The following ARHGAP6 variants were observed in gnomAD, a reference collection of about 807,000 sequenced individuals.
ARHGAP6 encodes the protein Rho GTPase activating protein 6, also known as rho GTPase-activating protein 6.
A neutral mutation model predicts 55.7 loss-of-function variants in ARHGAP6; 16 were observed. The ratio of observed to expected loss-of-function variants is 0.29; its 90% CI spans 0.19 to 0.44. ARHGAP6 has a LOEUF of 0.44. Ranked by LOEUF, ARHGAP6 falls within the 20% of genes least tolerant of loss-of-function variation. The pLI is 1.00. For missense variants in ARHGAP6, 698 were observed against 808.9 expected, an observed-to-expected ratio of 0.86 and a Z score of 1.66; for synonymous variants, 382 against 360.9, an observed-to-expected ratio of 1.06 and a Z score of -0.66.
chrX:11,361,428 T>G (rs1177509046), intron 1 of ARHGAP6, among the ~76,000 whole-genome samples: 1 of 111,193 alleles, frequency 9.0e-6, no homozygotes, highest in East Asian at 2.8e-4. Flanking sequence ...TAATAAATGG[T>G]GCTGGGAAAA....
intron 1 of ARHGAP6, among the ~76,000 whole-genome samples, chrX:11,396,984 T>A (rs2049484722): frequency 1.8e-5 from 2 of 111,408 alleles, no homozygotes; most frequent in South Asian, 7.5e-4. Flanking sequence ...CTAAATGGGA[T>A]CCATCTTTGG....
intron 1 of ARHGAP6, among the ~76,000 whole-genome samples, chrX:11,627,584 G>T (rs2052313037): frequency 1.8e-5 from 2 of 111,128 alleles, no homozygotes; most frequent in Non-Finnish European, 1.9e-5. Flanking sequence ...ACAATAAATT[G>T]TCTTTATTAT....
chrX:11,253,966 T>A (rs1224326009), intron 2 of ARHGAP6, among the ~76,000 whole-genome samples: 1 of 110,560 alleles, frequency 9.0e-6, no homozygotes, highest in Non-Finnish European at 1.9e-5. Flanking sequence ...GTTTTATGGA[T>A]TCAAGGAATT....
chrX:11,453,751 T>C (rs1275395879), intron 1 of ARHGAP6, among the ~76,000 whole-genome samples: 2 of 111,764 alleles, frequency 1.8e-5, no homozygotes, highest in Non-Finnish European at 3.8e-5. Context: ...GCTTTTGTTT[T>C]GTTTAGTATT....
intron 2 of ARHGAP6, among the ~76,000 whole-genome samples, chrX:11,243,909 G>C (rs944035551): frequency 8.9e-6 from 1 of 111,905 alleles, no homozygotes; most frequent in African/African-American, 3.2e-5. Context: ...ATATCGCCTA[G>C]GTGTGTAGTA....
At chrX:11,615,761 G>C (rs530958778) in intron 1 of ARHGAP6, among the ~76,000 whole-genome samples, 1 of 112,384 alleles carries the variant, frequency 8.9e-6, no homozygotes, top group African/African-American at 3.2e-5. Context: ...ACAATGCTGA[G>C]TTTGTCTTAC....
At chrX:11,174,576 T>TCCTTTCTTTCTTTCTTTC (rs1569241212) in intron 8 of ARHGAP6, among the ~76,000 whole-genome samples, 2 of 78,162 alleles carry the variant, frequency 2.6e-5, no homozygotes, top group African/African-American at 9.4e-5. Context: ...CTTCCTTCCT[T>TCCTTTCTTTCTTTCTTTC]TCTTTCTTTC....
rs751524340 is a variant in ARHGAP6 at position 11,163,952 on chromosome X, C to T, written c.1809+5553G>A. Among the ~76,000 whole-genome samples, 95 of 111,529 alleles carry T rather than the reference C, an allele frequency of 8.5e-4. 1 individual carries two copies. The highest frequency in any genetic ancestry group is 1.5e-3 in the Non-Finnish European group (79 of 52,606). On this transcript the variant is annotated intron_variant, in intron 9 of 12. Transcript: ENST00000337414. ...GTGGGAAAGGTTCAGGCATAATTTG[C>T]TTCTGCTTCCTTCCACCTTTGTGGG... is the stretch of plus-strand genomic sequence containing the variant.
chrX:11,400,276 G>A (rs1360561056), intron 1 of ARHGAP6, among the ~76,000 whole-genome samples: 1 of 111,449 alleles, frequency 9.0e-6, no homozygotes, highest in Non-Finnish European at 1.9e-5. Flanking sequence ...CACTGCAGGA[G>A]TTCAGTGGAG....
chrX:11,585,353 C>T (rs1274829918), intron 1 of ARHGAP6, among the ~76,000 whole-genome samples: 3 of 112,168 alleles, frequency 2.7e-5, no homozygotes, highest in South Asian at 3.7e-4. Flanking sequence ...TGAGGAAGTG[C>T]CATGTTTTCT....
intron 8 of ARHGAP6, among the ~76,000 whole-genome samples, chrX:11,174,574 C>CTTCCTTCCTTTCTTTCTTTCTT (rs1569241197): frequency 2.3e-4 from 10 of 43,567 alleles, no homozygotes; most frequent in Non-Finnish European, 4.0e-4. Flanking sequence ...TCCTTCCTTC[C>CTTCCTTCCTTTCTTTCTTTCTT]TTTCTTTCTT....
At chrX:11,479,948 C>G (rs763660647) in intron 1 of ARHGAP6, among the ~76,000 whole-genome samples, 6 of 111,362 alleles carry the variant, frequency 5.4e-5, no homozygotes, top group African/African-American at 2.0e-4. Context: ...AATACACATG[C>G]TTAGGGTGGG....
chrX:11,664,927 C>A lies in ARHGAP6; in HGVS notation c.-99G>T. 2.3e-6 allele frequency: 2 copies of A among 888,814 alleles called. No homozygotes were observed. Among genetic ancestry groups the A allele is most frequent in the Admixed American group, 3.8e-5 (1 of 26,019 alleles). The allele number at this position is 888,814 out of a possible 1,213,427, so 73.2% of individuals were successfully genotyped here. On this transcript the variant is annotated 5_prime_UTR_variant, in exon 1 of 13. Transcript: ENST00000337414. ...AAGGGACTCAGGCAAAGGTGCCAGG[C>A]GGGGCTGGCCCGGGGTTTGCCCAGG...
intron 1 of ARHGAP6, among the ~76,000 whole-genome samples, chrX:11,384,086 A>G (rs1483120884): frequency 1.8e-5 from 2 of 111,555 alleles, no homozygotes; most frequent in Non-Finnish European, 3.8e-5. Flanking sequence ...GACAATGGGG[A>G]TGCACAAAAA....
intron 9 of ARHGAP6, among the ~76,000 whole-genome samples, chrX:11,158,060 T>C (rs2045886667): frequency 8.9e-6 from 1 of 111,922 alleles, no homozygotes; most frequent in African/African-American, 3.3e-5. Flanking sequence ...TTTGTAGTGG[T>C]CATCTGTTCA....
At chrX:11,618,040 A>G (rs2052185301) in intron 1 of ARHGAP6, among the ~76,000 whole-genome samples, 1 of 111,980 alleles carries the variant, frequency 8.9e-6, no homozygotes. Flanking sequence ...GGAGAGCAAG[A>G]AGGAAATGTG....
chrX:11,535,821 G>A (rs967122594), intron 1 of ARHGAP6, among the ~76,000 whole-genome samples: 2 of 111,829 alleles, frequency 1.8e-5, no homozygotes, highest in Non-Finnish European at 3.8e-5. Context: ...GCAAACAACA[G>A]CAAAAAATTC....
At chrX:11,404,286 A>G (rs2049584763) in intron 1 of ARHGAP6, among the ~76,000 whole-genome samples, 2 of 111,080 alleles carry the variant, frequency 1.8e-5, no homozygotes, top group Admixed American at 1.9e-4. Flanking sequence ...GCAGCCCAGG[A>G]TCGAGGTCAT....
At chrX:11,418,661 C>T (rs5935058) in intron 1 of ARHGAP6, among the ~76,000 whole-genome samples, 29,285 of 110,668 alleles carry the variant, frequency 0.26, 2,915 homozygotes, top group Middle Eastern at 0.41. Flanking sequence ...ACAAAATATA[C>T]GTAGAATATA....
Sources: allele counts gnomAD v4.1 joint callset (sites outside exome capture counted in the v4.1 genomes callset), GRCh38; gene constraint gnomAD v4.1.1; transcripts MANE v1.5; gene names NCBI Gene and HGNC (gene_info 2026-07-23, HGNC 2026-07-21).